PRKG1: variants seen among roughly 807,000 people sequenced by gnomAD.
PRKG1 encodes the protein cGMP-dependent protein kinase 1.
Under a neutral mutation model 88.1 loss-of-function variants are expected in PRKG1, and 35 were observed. The ratio of observed to expected loss-of-function variants is 0.40; its 90% CI spans 0.30 to 0.53. PRKG1 has a LOEUF of 0.53. Ranked by LOEUF, PRKG1 falls within the 20% of genes least tolerant of loss-of-function variation. The pLI is 0.59. For missense variants in PRKG1, 540 were observed against 839.8 expected, an observed-to-expected ratio of 0.64 and a Z score of 4.41; for synonymous variants, 303 against 292.5, an observed-to-expected ratio of 1.04 and a Z score of -0.37.
chr10:52,114,908 G>A (rs888016899), intron 7 of PRKG1, among the ~76,000 whole-genome samples: 1 of 152,092 alleles, frequency 6.6e-6, no homozygotes, highest in Non-Finnish European at 1.5e-5. Flanking sequence ...GGAAGCAGAT[G>A]CAGTTGGTAG....
chr10:51,052,936 T>TA (rs1459993560), intron 1 of PRKG1, among the ~76,000 whole-genome samples: 1 of 152,162 alleles, frequency 6.6e-6, no homozygotes, highest in African/African-American at 2.4e-5. Context: ...AATGTAGATT[T>TA]AAAAAAGTCA....
intron 3 of PRKG1, among the ~76,000 whole-genome samples, chr10:51,797,390 A>G (rs936417563): frequency 1.1e-4 from 16 of 146,086 alleles, no homozygotes; most frequent in African/African-American, 3.0e-4. Context: ...TATATTATAT[A>G]TCTTTATTAT....
rs1253190621 is a variant in PRKG1 at position 52,156,091 on chromosome 10, TC to T, written c.1002-5794del. Among the ~76,000 whole-genome samples the T allele has an allele frequency of 2.6e-5, 4 of 151,974 alleles. No homozygotes were observed. In the South Asian group the frequency reaches 6.2e-4, roughly 24 times the overall value. On this transcript the variant is annotated intron_variant, in intron 8 of 17. Coordinates refer to ENST00000373980, the MANE Select transcript of PRKG1 (RefSeq NM_006258.4). ...TGAAATCCATTTTTCTAGTGAATAATCCCCATGATAGACAGGGGGATATTAT... is the reference window on the plus strand; with the variant it reads ...TGAAATCCATTTTTCTAGTGAATAATCCCATGATAGACAGGGGGATATTAT...
chr10:51,940,116 C>CT (rs1229097536), intron 5 of PRKG1, among the ~76,000 whole-genome samples: 1 of 151,774 alleles, frequency 6.6e-6, no homozygotes, highest in Non-Finnish European at 1.5e-5. Flanking sequence ...TAGCTCTATT[C>CT]TTTTTTTCAT....
intron 9 of PRKG1, among the ~76,000 whole-genome samples, chr10:52,172,015 G>T (rs1564501279): frequency 6.7e-6 from 1 of 150,072 alleles, no homozygotes; most frequent in Non-Finnish European, 1.5e-5. Flanking sequence ...TGTTAGCCAG[G>T]ATGGTCTCGA....
intron 2 of PRKG1, among the ~76,000 whole-genome samples, chr10:51,289,004 CTT>C (rs997039522): frequency 2.0e-5 from 3 of 151,996 alleles, no homozygotes; most frequent in African/African-American, 4.8e-5. Flanking sequence ...TAATTAGACT[CTT>C]ATTATCTAGA....
intron 8 of PRKG1, among the ~76,000 whole-genome samples, chr10:52,140,842 ATTC>A (rs1232149853): frequency 6.6e-6 from 1 of 152,066 alleles, no homozygotes; most frequent in African/African-American, 2.4e-5. Flanking sequence ...GGTCACCTGT[ATTC>A]TTCTTCTTAT....
At chr10:52,099,920 GCTGCTGCTT>G (rs1217296748) in intron 7 of PRKG1, among the ~76,000 whole-genome samples, 1 of 152,156 alleles carries the variant, frequency 6.6e-6, no homozygotes, top group Non-Finnish European at 1.5e-5. Flanking sequence ...TTGGCATATG[GCTGCTGCTT>G]CTGCTGCTTT....
At chr10:51,703,626 C>T (rs1253681406) in intron 3 of PRKG1, among the ~76,000 whole-genome samples, 1 of 152,076 alleles carries the variant, frequency 6.6e-6, no homozygotes, top group Non-Finnish European at 1.5e-5. Flanking sequence ...ATTTCAAGCA[C>T]TGACAATACA....
intron 4 of PRKG1, among the ~76,000 whole-genome samples, chr10:51,903,950 A>G (rs578047423): frequency 3.1e-4 from 47 of 152,236 alleles, no homozygotes; most frequent in African/African-American, 1.1e-3. Flanking sequence ...AGGTTGTTGT[A>G]AAAATGAAAT....
rs183275452 is a variant in PRKG1, at chr10:51,459,875, A to G, written c.479-7848A>G. ...CTTTATTCAATCTGCTGGCAACATG[A>G]TTTAGTTAAATATGCAACCTGATGC... is the stretch of plus-strand genomic sequence containing the variant. On this transcript the variant is annotated intron_variant, in intron 2 of 17. Coordinates refer to ENST00000373980, the MANE Select transcript of PRKG1 (RefSeq NM_006258.4). Among the ~76,000 whole-genome samples, 210 of 152,268 alleles carry G rather than the reference A, an allele frequency of 1.4e-3. 5 individuals carry two copies. The highest frequency in any genetic ancestry group is 0.013 in the South Asian group (64 of 4,824).
chr10:51,116,645 G>C (rs767428456), intron 1 of PRKG1, among the ~76,000 whole-genome samples: 1 of 152,224 alleles, frequency 6.6e-6, no homozygotes, highest in Non-Finnish European at 1.5e-5. Context: ...AGATTTGGAG[G>C]AGGAAAGGCA....
At chr10:51,613,514 TAGTTC>T (rs1252035513) in intron 3 of PRKG1, among the ~76,000 whole-genome samples, 1 of 151,794 alleles carries the variant, frequency 6.6e-6, no homozygotes, top group Non-Finnish European at 1.5e-5. Context: ...CTATTTCACT[TAGTTC>T]TGTTCTGATC....
At chr10:52,015,345 G>A (rs1845011238) in intron 5 of PRKG1, among the ~76,000 whole-genome samples, 4 of 152,352 alleles carry the variant, frequency 2.6e-5, no homozygotes, top group Admixed American at 6.5e-5. Context: ...AGCCTGAGCT[G>A]TAAATTGGCC....
rs377495101 is a variant in PRKG1 at position 51,142,427 on chromosome 10, G to A, written c.312-10737G>A. 6.6e-5 allele frequency among the ~76,000 whole-genome samples: 10 copies of A among 151,736 alleles called. No homozygotes were observed. The East Asian group carries it at 1.4e-3, about 21-fold the overall frequency. ...ACTCTTTATTCAGGTGAGTTTAAAC[G>A]TTAAAATGGCCAAAGATATGAGAAA... On this transcript the variant is annotated intron_variant, in intron 1 of 17. Coordinates refer to ENST00000373980, the MANE Select transcript of PRKG1 (RefSeq NM_006258.4).
At chr10:51,919,200 G>A (rs1842409315) in intron 5 of PRKG1, among the ~76,000 whole-genome samples, 1 of 152,134 alleles carries the variant, frequency 6.6e-6, no homozygotes, top group Admixed American at 6.6e-5. Context: ...AGGCCAGGGG[G>A]TATAAGTCTG....
At chr10:52,251,717 T>A (rs753452092) in intron 10 of PRKG1, 51 bp downstream of exon 10, 2 of 1,402,152 alleles carry the variant, frequency 1.4e-6, no homozygotes, top group African/African-American at 2.9e-5. Context: ...TCCTTTTTAA[T>A]TTTTTCCCCT....
intron 5 of PRKG1, among the ~76,000 whole-genome samples, chr10:51,987,985 A>G (rs537033424): frequency 6.6e-6 from 1 of 152,068 alleles, no homozygotes; most frequent in Non-Finnish European, 1.5e-5. Flanking sequence ...TATTTGTTTC[A>G]AGACTATATA....
At chr10:52,138,931 A>G (rs560918303) in intron 8 of PRKG1, among the ~76,000 whole-genome samples, 39 of 152,128 alleles carry the variant, frequency 2.6e-4, no homozygotes, top group Non-Finnish European at 4.7e-4. Flanking sequence ...AACTCATAAG[A>G]TCAAGGTTGA....
Sources: gnomAD v4.1 joint callset for allele counts (sites outside exome capture counted in the v4.1 genomes callset) on GRCh38, gnomAD v4.1.1 for gene constraint, MANE v1.5 for transcripts, NCBI Gene and HGNC (gene_info 2026-07-23, HGNC 2026-07-21) for gene names.